Variants in IMMP1L observed in about 807,000 individuals in gnomAD.
The protein encoded by IMMP1L is mitochondrial inner membrane protease subunit 1.
IMMP1L carries 24 observed loss-of-function variants against 21.8 expected under a neutral mutation model. That is an observed-to-expected ratio of 1.10 (90% CI 0.80 to 1.55). The LOEUF is 1.55. Ranked by LOEUF, IMMP1L falls within the 40% of genes most tolerant of loss-of-function variation. The pLI, the probability that IMMP1L is intolerant of heterozygous loss-of-function variation, is 0.00. For missense variants in IMMP1L, 195 were observed against 200.7 expected (o/e 0.97, Z 0.17); for synonymous variants, 46 against 62.8 (o/e 0.73, Z 1.26).
chr11:31,477,833 T>C (rs1592007929), intron 1 of IMMP1L: 1 of 152,202 alleles, frequency 6.6e-6, no homozygotes, highest in East Asian at 1.9e-4. Context: ...CAGTCGTGAT[T>C]CAGTTTTGCT....
chr11:31,466,449 T>C (rs1954353287), intron 1 of IMMP1L, among the ~76,000 whole-genome samples: 1 of 152,086 alleles, frequency 6.6e-6, no homozygotes, highest in African/African-American at 2.4e-5. Context: ...GATACCTGCA[T>C]CCTCATGTTT....
intron 1 of IMMP1L, among the ~76,000 whole-genome samples, chr11:31,466,254 A>T (rs1591988781): frequency 6.6e-6 from 1 of 152,128 alleles, no homozygotes; most frequent in Non-Finnish European, 1.5e-5. Flanking sequence ...AAAAAGACAA[A>T]GAAAGTGCTG....
intron 4 of IMMP1L, among the ~76,000 whole-genome samples, chr11:31,440,502 T>C (rs1162818179): frequency 6.6e-6 from 1 of 152,210 alleles, no homozygotes; most frequent in African/African-American, 2.4e-5. Flanking sequence ...GCGATTCTCC[T>C]GCCTCAGCCT....
At chr11:31,501,140 C>T (rs1410426950) in intron 1 of IMMP1L, among the ~76,000 whole-genome samples, 2 of 152,114 alleles carry the variant, frequency 1.3e-5, no homozygotes, top group African/African-American at 2.4e-5. Context: ...TTTCCATCAA[C>T]ATAGGAGGTT....
chr11:31,477,410 T>C (rs1476822556), intron 1 of IMMP1L: 2 of 332,076 alleles, frequency 6.0e-6, no homozygotes, highest in African/African-American at 4.5e-5. Context: ...ATAGCTTAGT[T>C]TGTATATGTC....
Position 31,502,057 on chromosome 11 carries a change from T to C in IMMP1L, c.-30+7462A>G, listed in dbSNP as rs1182221992. 3.3e-5 allele frequency among the ~76,000 whole-genome samples: 5 copies of C among 151,594 alleles called. No individual in the cohort carries two copies. In the East Asian group the frequency reaches 9.6e-4, roughly 29 times the overall value. On this transcript the variant is annotated intron_variant, in intron 1 of 5. Coordinates refer to ENST00000532287, the MANE Select transcript of IMMP1L (RefSeq NM_001304274.2). ...TTGTTGTATGAAAATATCACCGAAA[T>C]AGATATTTTTAAAGTCCTTCAAAGT...
rs532585362 is a variant in IMMP1L, at chr11:31,472,172, G to A, written c.-29-8867C>T. On this transcript the variant is annotated intron_variant, in intron 1 of 5. Transcript: ENST00000532287. ...AATTTAATCACACCTGTGAAGTCTC[G>A]TTTGCCATGTAAGGCAACATATTCA... 7.9e-5 allele frequency among the ~76,000 whole-genome samples: 12 copies of A among 152,120 alleles called. No homozygotes were observed. The South Asian group carries it at 1.5e-3, about 18-fold the overall frequency.
At chr11:31,447,879 A>G (rs1953587069) in intron 4 of IMMP1L, among the ~76,000 whole-genome samples, 1 of 152,180 alleles carries the variant, frequency 6.6e-6, no homozygotes, top group Non-Finnish European at 1.5e-5. Flanking sequence ...GGCTAAGATT[A>G]AGTTGTTCAC....
chr11:31,467,123 A>G (rs1252337479), intron 1 of IMMP1L, among the ~76,000 whole-genome samples: 3 of 152,186 alleles, frequency 2.0e-5, no homozygotes, highest in Non-Finnish European at 4.4e-5. Context: ...TATTTTATGT[A>G]TATTTCAGAT....
chr11:31,450,744 T>C (rs7119654), intron 4 of IMMP1L, among the ~76,000 whole-genome samples: 4,994 of 152,234 alleles, frequency 0.033, 265 homozygotes, highest in African/African-American at 0.11. Context: ...TGTAACATCA[T>C]GCATTTACTT....
chr11:31,440,657 T>C (rs1953293745), intron 4 of IMMP1L, among the ~76,000 whole-genome samples: 1 of 152,274 alleles, frequency 6.6e-6, no homozygotes, highest in Admixed American at 6.5e-5. Context: ...TCCCCAAGTA[T>C]TGGGATTACA....
At chr11:31,476,629 C>A (rs1954739188) in intron 1 of IMMP1L, among the ~76,000 whole-genome samples, 1 of 151,740 alleles carries the variant, frequency 6.6e-6, no homozygotes, top group Non-Finnish European at 1.5e-5. Context: ...AAAGATACAG[C>A]TACTAAACAA....
intron 1 of IMMP1L, among the ~76,000 whole-genome samples, chr11:31,507,876 A>C (rs1266515003): frequency 6.6e-6 from 1 of 152,228 alleles, no homozygotes; most frequent in Non-Finnish European, 1.5e-5. Flanking sequence ...ATGCATTGCT[A>C]ATTAGCTAGA....
At chr11:31,460,121 C>A (rs1234313612) in intron 3 of IMMP1L, among the ~76,000 whole-genome samples, 2 of 152,054 alleles carry the variant, frequency 1.3e-5, no homozygotes, top group African/African-American at 4.8e-5. Flanking sequence ...CGTGTCACTG[C>A]ACTCCAGCCT....
intron 1 of IMMP1L, among the ~76,000 whole-genome samples, chr11:31,493,794 T>C (rs1039696057): frequency 2.6e-5 from 4 of 152,226 alleles, no homozygotes; most frequent in Non-Finnish European, 5.9e-5. Flanking sequence ...AAAGGGGCTG[T>C]GGGCCCCATA....
intron 4 of IMMP1L, among the ~76,000 whole-genome samples, chr11:31,444,907 T>C (rs957251941): frequency 1.3e-5 from 2 of 152,196 alleles, no homozygotes; most frequent in Admixed American, 6.5e-5. Context: ...AGTCAGAATG[T>C]AGGAGATGGA....
At chr11:31,503,375 G>C (rs1301704320) in intron 1 of IMMP1L, among the ~76,000 whole-genome samples, 2 of 151,990 alleles carry the variant, frequency 1.3e-5, no homozygotes, top group Non-Finnish European at 2.9e-5. Context: ...CAAAATGAAG[G>C]AATGTAGAAG....
At chr11:31,433,783 CTTTT>C (rs1171283672) in intron 4 of IMMP1L, 3 of 393,690 alleles carry the variant, frequency 7.6e-6, no homozygotes, top group Admixed American at 4.3e-5. Context: ...AACCTATCAT[CTTTT>C]TTTGTCATAT....
chr11:31,493,541 C>T (rs1020717668), intron 1 of IMMP1L, among the ~76,000 whole-genome samples: 1 of 152,136 alleles, frequency 6.6e-6, no homozygotes, highest in African/African-American at 2.4e-5. Context: ...ACCCCAGCCC[C>T]GCCCAAATTT....
Sources: allele counts gnomAD v4.1 joint callset (sites outside exome capture counted in the v4.1 genomes callset), GRCh38; gene constraint gnomAD v4.1.1; transcripts MANE v1.5; gene names NCBI Gene and HGNC (gene_info 2026-07-23, HGNC 2026-07-21).